The following NCOA3 variants were observed in gnomAD, a reference collection of about 807,000 sequenced individuals.
NCOA3 encodes CBP-interacting protein.
In NCOA3, 51 loss-of-function variants were observed where a neutral mutation model predicts 158.8. The ratio of observed to expected loss-of-function variants is 0.32; its 90% CI spans 0.26 to 0.41. NCOA3 has a LOEUF of 0.41. Among genes scored for constraint, NCOA3 ranks in the 10% least tolerant of loss-of-function variants. The probability of loss-of-function intolerance (pLI) is 1.00; values close to 1 mark genes in which losing one functional copy is unlikely to be tolerated. For synonymous variants in NCOA3, 537 were observed against 592.4 expected (o/e 0.91, Z 1.36); for missense variants, 1,510 against 1,746.6 (o/e 0.86, Z 2.41).
At chr20:47,520,249 A>G (rs557817831) in intron 1 of NCOA3, among the ~76,000 whole-genome samples, 1 of 150,180 alleles carries the variant, frequency 6.7e-6, no homozygotes, top group Admixed American at 6.7e-5. Flanking sequence ...TTAAAGGAAC[A>G]GGGTACACTG....
intron 2 of NCOA3, among the ~76,000 whole-genome samples, chr20:47,596,309 T>C (rs972953522): frequency 2.0e-5 from 3 of 152,238 alleles, no homozygotes; most frequent in Admixed American, 2.0e-4. Context: ...GGTGGCTTTC[T>C]AAATTGTAAG....
chr20:47,629,318 C>G (rs2043191048), intron 8 of NCOA3, among the ~76,000 whole-genome samples: 1 of 151,198 alleles, frequency 6.6e-6, no homozygotes, highest in Admixed American at 6.6e-5. Context: ...CTTGTTTACG[C>G]TGATGGATGT....
At chr20:47,652,288 T>G (rs1474367677) in intron 20 of NCOA3, 118 bp from the exon 21 acceptor site, 1 of 769,738 alleles carries the variant, frequency 1.3e-6, no homozygotes, top group Non-Finnish European at 2.1e-6. Flanking sequence ...TATCTTACAC[T>G]TATCACTTCC....
chr20:47,585,963 C>T (rs1812424092), intron 2 of NCOA3, among the ~76,000 whole-genome samples: 3 of 150,686 alleles, frequency 2.0e-5, no homozygotes, highest in South Asian at 4.2e-4. Flanking sequence ...GTTTGTTACC[C>T]AGCTTGGAGT....
intron 1 of NCOA3, among the ~76,000 whole-genome samples, chr20:47,506,281 G>A (rs1343945072): frequency 6.6e-6 from 1 of 152,132 alleles, no homozygotes; most frequent in Non-Finnish European, 1.5e-5. Context: ...GTTTCTGGGA[G>A]AAGATTATTT....
At position 47,636,661 on chromosome 20, in the gene NCOA3, G is replaced by T. The variant is rs772573755; in HGVS notation, c.2275G>T (p.Val759Leu). 1 of 1,614,184 alleles carries T rather than the reference G, an allele frequency of 6.2e-7. No homozygotes were observed. The highest frequency in any genetic ancestry group is 1.7e-5 in the Admixed American group (1 of 60,030). The part of the protein sequence containing the change: ...DALSKELQPQ[V>L]EGVDNKMSQC... Reference sequence around the variant, plus strand: ...ACTCTCTAAAGAACTACAGCCCCAAGTGGAAGGAGTGGATAATAAAATGAG... The same window carrying T: ...ACTCTCTAAAGAACTACAGCCCCAATTGGAAGGAGTGGATAATAAAATGAG... The change falls in exon 12 of 23, where the codon GTG (valine) becomes TTG (leucine). Residue 759 changes from valine (V) to leucine (L), a missense_variant. By Grantham distance (32) the Val-to-Leu change is conservative. Around this residue, in one of 4 missense-constraint regions of NCOA3, gnomAD observed 1,017 missense variants for 1,098.3 expected, o/e 0.93. Transcript: ENST00000371998.
chr20:47,618,712 A>G (rs978704481), intron 2 of NCOA3, among the ~76,000 whole-genome samples: 26 of 152,188 alleles, frequency 1.7e-4, no homozygotes, highest in Admixed American at 5.9e-4. Context: ...GTTTGGTAGC[A>G]GGAAGATTGC....
chr20:47,620,268 C>T (rs745957427), intron 2 of NCOA3, among the ~76,000 whole-genome samples: 6 of 151,910 alleles, frequency 3.9e-5, no homozygotes, highest in Non-Finnish European at 5.9e-5. Flanking sequence ...CACCATGATG[C>T]CTGGCTTATT....
intron 5 of NCOA3, 110 bp downstream of exon 5, chr20:47,625,591 C>A: frequency 4.0e-6 from 3 of 754,926 alleles, no homozygotes; most frequent in Non-Finnish European, 6.7e-6. Context: ...AAAAAGAAAA[C>A]ATTTTTTTCT....
chr20:47,520,626 G>T (rs188482461), intron 1 of NCOA3, among the ~76,000 whole-genome samples: 2 of 152,082 alleles, frequency 1.3e-5, no homozygotes, highest in East Asian at 1.9e-4. Context: ...TGCCTTGCCT[G>T]CCCTGGAAGG....
At chr20:47,563,400 G>A (rs73308189) in intron 1 of NCOA3, among the ~76,000 whole-genome samples, 2,873 of 152,252 alleles carry the variant, frequency 0.019, 87 homozygotes, top group African/African-American at 0.064. Flanking sequence ...GGGAGGAGAT[G>A]CATATGTAGA....
At chr20:47,628,740 T>A (rs2146308479) in intron 8 of NCOA3, 1 of 152,262 alleles carries the variant, frequency 6.6e-6, no homozygotes, top group African/African-American at 2.4e-5. Context: ...CAACCTGAGT[T>A]TCAATCTTGG....
chr20:47,507,570 T>A (rs1421395588), intron 1 of NCOA3, among the ~76,000 whole-genome samples: 1 of 152,120 alleles, frequency 6.6e-6, no homozygotes, highest in African/African-American at 2.4e-5. Context: ...GTATATATAT[T>A]TTTAAATTTA....
intron 2 of NCOA3, among the ~76,000 whole-genome samples, chr20:47,586,882 G>A (rs974811452): frequency 6.6e-5 from 10 of 152,190 alleles, no homozygotes; most frequent in African/African-American, 2.4e-4. Context: ...TATGACGTCC[G>A]TCTGTCCCTT....
intron 18 of NCOA3, among the ~76,000 whole-genome samples, chr20:47,648,547 A>G (rs1408985011): frequency 6.6e-6 from 1 of 152,092 alleles, no homozygotes; most frequent in Non-Finnish European, 1.5e-5. Flanking sequence ...GTCACAGCCC[A>G]CTGCAGCCTC....
chr20:47,539,971 C>G (rs1489012361), intron 1 of NCOA3, among the ~76,000 whole-genome samples: 1 of 152,184 alleles, frequency 6.6e-6, no homozygotes. Context: ...TACATAAACT[C>G]TCATTTAACA....
intron 2 of NCOA3, among the ~76,000 whole-genome samples, chr20:47,587,186 T>A (rs764687047): frequency 2.1e-4 from 32 of 152,322 alleles, no homozygotes; most frequent in Middle Eastern, 3.4e-3. Flanking sequence ...TGGTGATGGA[T>A]TCATGAATTC....
At chr20:47,550,552 C>T (rs532075965) in intron 1 of NCOA3, among the ~76,000 whole-genome samples, 4 of 151,346 alleles carry the variant, frequency 2.6e-5, no homozygotes, top group African/African-American at 9.7e-5. Flanking sequence ...GATTAACAAA[C>T]GACCTATTAG....
intron 1 of NCOA3, among the ~76,000 whole-genome samples, chr20:47,525,590 G>T (rs1381747777): frequency 1.4e-5 from 2 of 141,456 alleles, no homozygotes; most frequent in African/African-American, 5.5e-5. Flanking sequence ...CCTCCTGGAC[G>T]GGGCGGCTGG....
Sources: gnomAD v4.1 joint callset for allele counts (sites outside exome capture counted in the v4.1 genomes callset) on GRCh38, gnomAD v4.1.1 for gene constraint, gnomAD v4.1.1 regional missense constraint, MANE v1.5 for transcripts, NCBI Gene and HGNC (gene_info 2026-07-23, HGNC 2026-07-21) for gene names.